MMP16: variants seen among roughly 807,000 people sequenced by gnomAD.
The protein encoded by MMP16 is matrix metallopeptidase 16, also known as matrix metalloproteinase-16.
MMP16 carries 12 observed loss-of-function variants against 67.8 expected under a neutral mutation model. That is an observed-to-expected ratio of 0.18 (90% CI 0.11 to 0.29). The LOEUF is 0.29. Among genes scored for constraint, MMP16 ranks in the 10% least tolerant of loss-of-function variants. The pLI is 1.00. For synonymous variants in MMP16, 249 were observed against 255.9 expected (o/e 0.97, Z 0.26); for missense variants, 475 against 765.7 (o/e 0.62, Z 4.48).
chr8:88,088,202 G>A (rs899186901), intron 6 of MMP16, among the ~76,000 whole-genome samples: 1 of 150,116 alleles, frequency 6.7e-6, no homozygotes, highest in African/African-American at 2.5e-5. Context: ...AAAATGGTGA[G>A]CAAATGGTTG....
chr8:88,133,626 T>G (rs915803690), intron 4 of MMP16, among the ~76,000 whole-genome samples: 5 of 151,848 alleles, frequency 3.3e-5, no homozygotes, highest in Non-Finnish European at 7.4e-5. Flanking sequence ...TGCAGACATA[T>G]TTTCATATTA....
chr8:88,155,856 C>G (rs887148725), intron 4 of MMP16, among the ~76,000 whole-genome samples: 1 of 151,930 alleles, frequency 6.6e-6, no homozygotes, highest in African/African-American at 2.4e-5. Context: ...CCTTTTATTC[C>G]TGAGTCTTCA....
chr8:88,046,580 T>A, intron 9 of MMP16, 89 bp downstream of exon 9: 1 of 767,696 alleles, frequency 1.3e-6, no homozygotes, highest in Non-Finnish European at 2.1e-6. Context: ...GTATAGCACT[T>A]TCCAATGGCT....
intron 1 of MMP16, among the ~76,000 whole-genome samples, chr8:88,312,321 G>C (rs1222128196): frequency 6.6e-6 from 1 of 152,150 alleles, no homozygotes; most frequent in Non-Finnish European, 1.5e-5. Flanking sequence ...CTATAGAATA[G>C]TGTCATATAG....
chr8:88,109,682 G>C (rs1048772931), intron 6 of MMP16, among the ~76,000 whole-genome samples: 3 of 151,182 alleles, frequency 2.0e-5, no homozygotes, highest in African/African-American at 7.3e-5. Flanking sequence ...TATACATCTT[G>C]AAACGAAACT....
At chr8:88,225,752 T>C (rs1001576671) in intron 1 of MMP16, among the ~76,000 whole-genome samples, 1 of 151,800 alleles carries the variant, frequency 6.6e-6, no homozygotes, top group African/African-American at 2.4e-5. Flanking sequence ...CTAGAAAAGG[T>C]GTACTATTTT....
At chr8:88,176,118 G>A (rs1292674032) in intron 3 of MMP16, among the ~76,000 whole-genome samples, 1 of 152,154 alleles carries the variant, frequency 6.6e-6, no homozygotes, top group East Asian at 1.9e-4. Flanking sequence ...CTAAGATTTA[G>A]TGGATCTAAG....
intron 1 of MMP16, among the ~76,000 whole-genome samples, chr8:88,222,021 C>T (rs951874991): frequency 6.6e-6 from 1 of 151,826 alleles, no homozygotes; most frequent in African/African-American, 2.4e-5. Flanking sequence ...AATCATCCTC[C>T]TGCTTTTTTT....
chr8:88,094,283 C>T (rs1808988520), intron 6 of MMP16, among the ~76,000 whole-genome samples: 1 of 151,562 alleles, frequency 6.6e-6, no homozygotes, highest in African/African-American at 2.4e-5. Flanking sequence ...ATAGATTCCA[C>T]TGATAAATAT....
At chr8:88,117,109 A>C (rs921207582) in intron 5 of MMP16, among the ~76,000 whole-genome samples, 1 of 152,150 alleles carries the variant, frequency 6.6e-6, no homozygotes, top group Non-Finnish European at 1.5e-5. Context: ...AGTTAATCCT[A>C]GATTTCGATA....
In MMP16 at chr8:88,036,894, A is replaced by C. The variant is rs1181609616; in HGVS notation, c.*4567T>G. The C allele has an allele frequency of 6.6e-6, 1 of 151,726 alleles. No homozygotes were observed. The highest frequency in any genetic ancestry group is 1.5e-5 in the Non-Finnish European group (1 of 67,768). 9.4% of individuals were successfully genotyped at this position (151,726 alleles called of 1,614,324 possible). ...AGAAGATTGTTTCAGTATATACTAC[A>C]ATCTCACAGACTCAATACTACCAGT... On this transcript the variant is annotated 3_prime_UTR_variant, in exon 10 of 10. Transcript: ENST00000286614.
chr8:88,315,074 T>C (rs187284504), intron 1 of MMP16, among the ~76,000 whole-genome samples: 1 of 152,350 alleles, frequency 6.6e-6, no homozygotes, highest in East Asian at 1.9e-4. Flanking sequence ...TCCAGTGACT[T>C]GAATATCACT....
At chr8:88,302,125 T>C (rs1402891965) in intron 1 of MMP16, among the ~76,000 whole-genome samples, 2 of 152,184 alleles carry the variant, frequency 1.3e-5, no homozygotes, top group Non-Finnish European at 2.9e-5. Context: ...AACAAAATCA[T>C]ACCCACAACC....
At chr8:88,067,030 T>C (rs1808472097) in intron 7 of MMP16, among the ~76,000 whole-genome samples, 1 of 152,124 alleles carries the variant, frequency 6.6e-6, no homozygotes, top group Non-Finnish European at 1.5e-5. Context: ...TTATAAGTTA[T>C]AGCATCTAAA....
intron 1 of MMP16, among the ~76,000 whole-genome samples, chr8:88,230,139 A>C (rs1809835549): frequency 6.6e-6 from 1 of 152,046 alleles, no homozygotes; most frequent in Non-Finnish European, 1.5e-5. Flanking sequence ...GGATTCTCGA[A>C]CTTTATTGTG....
chr8:88,286,836 G>A (rs545992240), intron 1 of MMP16, among the ~76,000 whole-genome samples: 3 of 152,042 alleles, frequency 2.0e-5, no homozygotes, highest in Non-Finnish European at 2.9e-5. Context: ...CTCCCAAAGT[G>A]CTGGGATTAC....
intron 8 of MMP16, among the ~76,000 whole-genome samples, chr8:88,047,796 T>C (rs778125877): frequency 2.0e-5 from 3 of 152,216 alleles, no homozygotes; most frequent in East Asian, 1.9e-4. Context: ...CTTAAACTTA[T>C]GGCTAAGTGT....
intron 4 of MMP16, 132 bp from the exon 5 acceptor site, chr8:88,118,993 T>C (rs1288605422): frequency 8.2e-6 from 7 of 858,240 alleles, no homozygotes; most frequent in Non-Finnish European, 3.5e-6. Flanking sequence ...ATTTGTATGG[T>C]TTCATCACTG....
intron 1 of MMP16, among the ~76,000 whole-genome samples, chr8:88,263,263 T>C (rs1810419279): frequency 6.6e-6 from 1 of 152,114 alleles, no homozygotes; most frequent in Admixed American, 6.5e-5. Flanking sequence ...AATTCAATTT[T>C]TTCTTCCCTT....
Sources: allele counts gnomAD v4.1 joint callset (sites outside exome capture counted in the v4.1 genomes callset), GRCh38; gene constraint gnomAD v4.1.1; transcripts MANE v1.5; gene names NCBI Gene and HGNC (gene_info 2026-07-23, HGNC 2026-07-21).